The following VMA12 variants were observed in gnomAD, a reference collection of about 807,000 sequenced individuals.
The protein encoded by VMA12 is vacuolar ATPase assembly factor VMA12.
chr17:28,362,416 T>G, the VMA12 span: 2 of 152,116 alleles, frequency 1.3e-5, no homozygotes, highest in African/African-American at 4.8e-5. Context: ...AATCGTAGCA[T>G]TTTGGGAGGC....
At chr17:28,359,980 T>C in the VMA12 span, among the ~76,000 whole-genome samples, 1 of 152,098 alleles carries the variant, frequency 6.6e-6, no homozygotes, top group African/African-American at 2.4e-5. Flanking sequence ...CTTCTTTTTT[T>C]TTTTTGAGAT....
the VMA12 span, chr17:28,362,195 T>G: frequency 2.6e-5 from 4 of 152,192 alleles, no homozygotes; most frequent in Admixed American, 6.5e-5. Context: ...TTTTTTTTTT[T>G]TCCAAAGCAC....
chr17:28,361,472 G>A, the VMA12 span: 1 of 543,542 alleles, frequency 1.8e-6, no homozygotes, highest in South Asian at 2.1e-5. Flanking sequence ...AAAACAGAAA[G>A]AACTGGTCTT....
At chr17:28,357,734 G>A in the VMA12 span, 4 of 1,613,384 alleles carry the variant, frequency 2.5e-6, no homozygotes, top group Admixed American at 5.0e-5. Flanking sequence ...CGGGGAGCTG[G>A]AGCCAGAGCG....
the VMA12 span, chr17:28,360,494 T>A: frequency 6.2e-7 from 1 of 1,609,440 alleles, no homozygotes; most frequent in East Asian, 2.2e-5. Context: ...CTGAGCTGCT[T>A]CTATTCTGAA....
the VMA12 span, chr17:28,360,912 A>G: frequency 3.6e-3 from 4,970 of 1,372,888 alleles, 10 homozygotes; most frequent in Non-Finnish European, 4.8e-3. Context: ...GGGAGGACGT[A>G]TGTGAAAGTG....
At chr17:28,360,508 T>A in the VMA12 span, 15 of 1,613,280 alleles carry the variant, frequency 9.3e-6, no homozygotes, top group African/African-American at 2.0e-4. Context: ...TTCTGAATCA[T>A]CTTCTTTTTC....
the VMA12 span, chr17:28,360,539 A>G: frequency 1.2e-6 from 2 of 1,614,160 alleles, no homozygotes; most frequent in Non-Finnish European, 1.7e-6. Flanking sequence ...GATACAAGAC[A>G]TGGTGGGACT....
chr17:28,360,819 G>A, the VMA12 span: 1 of 1,613,868 alleles, frequency 6.2e-7, no homozygotes, highest in African/African-American at 1.3e-5. Context: ...TACCTTGGAA[G>A]CCAATATATC....
the VMA12 span, chr17:28,362,541 G>A: frequency 2.0e-5 from 3 of 152,186 alleles, no homozygotes; most frequent in East Asian, 5.8e-4. Context: ...GTACATGCCT[G>A]TAATCCCAGC....
At chr17:28,358,276 CTG>C in the VMA12 span, 5 of 416,096 alleles carry the variant, frequency 1.2e-5, no homozygotes, top group East Asian at 3.5e-4. Context: ...GTGGTGAAAT[CTG>C]ATACTTTGTT....
chr17:28,358,795 TG>T, the VMA12 span: 4 of 739,588 alleles, frequency 5.4e-6, no homozygotes, highest in African/African-American at 1.8e-5. Flanking sequence ...ATCCTGGAAA[TG>T]GATTAATGTA....
At chr17:28,361,101 G>C in the VMA12 span, 1 of 1,544,146 alleles carries the variant, frequency 6.5e-7, no homozygotes, top group Non-Finnish European at 8.9e-7. Flanking sequence ...AAGTTGCTGG[G>C]GTACAGAGCT....
chr17:28,358,419 T>C, the VMA12 span: 3 of 472,238 alleles, frequency 6.4e-6, no homozygotes, highest in Admixed American at 4.7e-5. Flanking sequence ...TCGCTGGGCC[T>C]CAGTTCCCTT....
chr17:28,362,876 G>C, the VMA12 span: 1 of 152,180 alleles, frequency 6.6e-6, no homozygotes, highest in Non-Finnish European at 1.5e-5. Context: ...GCATATAGAA[G>C]GGAGCTCTCT....
the VMA12 span, chr17:28,359,093 G>T: frequency 7.5e-6 from 9 of 1,204,338 alleles, no homozygotes; most frequent in East Asian, 2.2e-4. Context: ...AATTGTTTTT[G>T]AAATCTTTGG....
the VMA12 span, chr17:28,358,999 G>A: frequency 1.9e-6 from 3 of 1,604,648 alleles, no homozygotes; most frequent in Non-Finnish European, 2.6e-6. Context: ...GGTATGTAAG[G>A]GATATGTTTG....
At chr17:28,360,560 TG>T in the VMA12 span, 1 of 1,614,190 alleles carries the variant, frequency 6.2e-7, no homozygotes, top group East Asian at 2.2e-5. Context: ...CTCAGCGACC[TG>T]GGAAAGCAAG....
At chr17:28,358,260 G>A in the VMA12 span, 4 of 401,834 alleles carry the variant, frequency 1.0e-5, no homozygotes, top group South Asian at 7.6e-5. Flanking sequence ...CACCTCAAAA[G>A]CAAGAGTGGT....
Sources: allele counts gnomAD v4.1 joint callset (sites outside exome capture counted in the v4.1 genomes callset), GRCh38; gene constraint gnomAD v4.1.1; transcripts MANE v1.5; gene names NCBI Gene and HGNC (gene_info 2026-07-23, HGNC 2026-07-21).